Variants in ALDH1L2 observed in about 807,000 individuals in gnomAD.
The protein encoded by ALDH1L2 is mitochondrial 10-formyltetrahydrofolate dehydrogenase.
Under a neutral mutation model 111.0 loss-of-function variants are expected in ALDH1L2, and 91 were observed. That is an observed-to-expected ratio of 0.82 (90% CI 0.69 to 0.98). ALDH1L2 has a LOEUF of 0.98. Ranked by LOEUF, ALDH1L2 falls within the 50% of genes least tolerant of loss-of-function variation. The pLI is 0.00. For synonymous variants in ALDH1L2, 374 were observed against 392.6 expected (o/e 0.95, Z 0.56); for missense variants, 995 against 1,126.8 (o/e 0.88, Z 1.67).
chr12:105,043,778 A>C (rs2136065131), intron 15 of ALDH1L2, among the ~76,000 whole-genome samples: 1 of 152,352 alleles, frequency 6.6e-6, no homozygotes, highest in African/African-American at 2.4e-5. Flanking sequence ...ATAGGTTTGC[A>C]TAATACATGG....
In ALDH1L2 at chr12:105,070,665, G is replaced by T. The variant is rs752162565; in HGVS notation, c.333C>A (p.Phe111Leu). The T allele has an allele frequency of 6.2e-7, 1 of 1,614,138 alleles. No homozygotes were observed. Among genetic ancestry groups the T allele is most frequent in the Admixed American group, 1.7e-5 (1 of 60,024 alleles). The change falls in exon 3 of 23, where the codon TTC (phenylalanine) becomes TTA (leucine). Residue 111 changes from phenylalanine (F) to leucine (L), a missense_variant. Transcript: ENST00000258494. ...GACTATCAATTATATCCATGGGAAT[G>T]AACTGAGTGCAGAAAGGGAGCACAT... ...ELNVLPFCTQ[F>L]IPMDIIDSPK...
chr12:105,075,936 C>T (rs1878032080), intron 1 of ALDH1L2, among the ~76,000 whole-genome samples: 1 of 152,146 alleles, frequency 6.6e-6, no homozygotes, highest in South Asian at 2.1e-4. Context: ...CAGGCACACA[C>T]CACCATGCCC....
chr12:105,084,278 AAGTCT>A, intron 1 of ALDH1L2, 106 bp downstream of exon 1: 1 of 1,224,934 alleles, frequency 8.2e-7, no homozygotes, highest in Non-Finnish European at 1.1e-6. Context: ...GTGTTTAGCA[AAGTCT>A]AAGCATCGCT....
intron 16 of ALDH1L2, among the ~76,000 whole-genome samples, chr12:105,040,403 CT>C (rs1348787226): frequency 6.6e-6 from 1 of 152,112 alleles, no homozygotes; most frequent in Non-Finnish European, 1.5e-5. Flanking sequence ...TACAACCCCC[CT>C]CCCCACTGCC....
chr12:105,046,222 T>TATATA (rs1565957152), intron 15 of ALDH1L2, among the ~76,000 whole-genome samples: 14 of 26,760 alleles, frequency 5.2e-4, no homozygotes, highest in African/African-American at 1.5e-3. Flanking sequence ...TATATATATA[T>TATATA]TTTTTTTTTT....
intron 5 of ALDH1L2, 146 bp from the exon 6 acceptor site, chr12:105,065,502 T>G: frequency 5.0e-6 from 3 of 602,428 alleles, no homozygotes; most frequent in Non-Finnish European, 8.7e-6. Context: ...GAGTAAGTAT[T>G]TTGTCAGGTG....
rs1044847858 is a variant in ALDH1L2 at position 105,024,335 on chromosome 12, ACCT to A, written c.*86_*88del. 7 of 1,507,764 alleles carry A rather than the reference ACCT, an allele frequency of 4.6e-6. No homozygotes were observed. The African/African-American group carries it at 9.7e-5, about 21-fold the overall frequency. 93.4% of individuals were successfully genotyped at this position (1,507,764 alleles called of 1,614,324 possible). ...GTGTATTTTTTGGTTTGTGGCTGAC[ACCT>A]CCTGCCTCAACACACCCAATCTTCT... is the stretch of plus-strand genomic sequence containing the variant. On this transcript the variant is annotated 3_prime_UTR_variant, in exon 23 of 23. Transcript: ENST00000258494.
chr12:105,049,893 AAT>A lies in ALDH1L2; in HGVS notation c.1686+13_1686+14del, dbSNP rs1375837766. On this transcript the variant is annotated intron_variant, in intron 13 of 22. Transcript: ENST00000258494. ...AGTCCCTTTTTCTTTCAGAACAAATAATATTTGTGCTTACCTGAATTTTGTCG... is the reference window on the plus strand; with the variant it reads ...AGTCCCTTTTTCTTTCAGAACAAATAATTTGTGCTTACCTGAATTTTGTCG... The A allele has an allele frequency of 1.9e-6, 3 of 1,604,096 alleles. No homozygotes were observed. The African/African-American group carries it at 4.0e-5, about 22-fold the overall frequency.
intron 1 of ALDH1L2, among the ~76,000 whole-genome samples, chr12:105,082,827 ATC>A (rs1878392917): frequency 2.0e-5 from 3 of 152,200 alleles, no homozygotes; most frequent in Non-Finnish European, 4.4e-5. Flanking sequence ...CCAGCCATGT[ATC>A]TGTTTGATTT....
At chr12:105,058,343 T>C (rs1876769866) in intron 9 of ALDH1L2, 123 bp from the exon 10 acceptor site, 1 of 939,686 alleles carries the variant, frequency 1.1e-6, no homozygotes, top group South Asian at 2.5e-5. Flanking sequence ...TTATATCCTA[T>C]GAGATCTTCT....
Position 105,059,836 on chromosome 12 carries a change from T to G in ALDH1L2, c.1139+1145A>C, listed in dbSNP as rs572010562. Among the ~76,000 whole-genome samples, 5 of 152,342 alleles carry G rather than the reference T, an allele frequency of 3.3e-5. No homozygotes were observed. The East Asian group carries it at 9.6e-4, about 29-fold the overall frequency. ...GATTTTATCAAGAGGAGGAACATTT[T>G]TGCCTTGTTTAATTAGTGTATGGCC... On this transcript the variant is annotated intron_variant, in intron 9 of 22. Coordinates refer to ENST00000258494, the MANE Select transcript of ALDH1L2 (RefSeq NM_001034173.4).
Position 105,038,094 on chromosome 12 carries a change from C to T in ALDH1L2, c.2145+9G>A. On this transcript the variant is annotated intron_variant, in intron 18 of 22. Transcript: ENST00000258494. ...GGCACCTATTTACTTAAATTTGACC[C>T]TCTCTTACCATTCGCACAGCCTTGT... 1 of 1,610,928 alleles carries T rather than the reference C, an allele frequency of 6.2e-7. No homozygotes were observed. Among genetic ancestry groups the T allele is most frequent in the Non-Finnish European group, 8.5e-7 (1 of 1,177,548 alleles).
intron 21 of ALDH1L2, 71 bp downstream of exon 21, chr12:105,030,253 A>T (rs1874627470): frequency 8.7e-7 from 1 of 1,152,836 alleles, no homozygotes; most frequent in South Asian, 1.4e-5. Context: ...CTGTGTATAT[A>T]GCACAGTGGC....
At position 105,041,146 on chromosome 12, in the gene ALDH1L2, C is replaced by G. The variant is rs1290395241; in HGVS notation, c.1864-452G>C. Among the ~76,000 whole-genome samples, 4 of 152,318 alleles carry G rather than the reference C, an allele frequency of 2.6e-5. No homozygotes were observed. The East Asian group carries it at 7.7e-4, about 29-fold the overall frequency. On this transcript the variant is annotated intron_variant, in intron 15 of 22. Transcript: ENST00000258494. ...GAATACATGATTTGCAGACCATATT[C>G]AGATTTCACCAATTATCCCAATAAT...
At chr12:105,046,162 TC>T (rs1875837457) in intron 15 of ALDH1L2, among the ~76,000 whole-genome samples, 1 of 24,228 alleles carries the variant, frequency 4.1e-5, no homozygotes, top group African/African-American at 2.3e-4. Flanking sequence ...TCTCTCTCTC[TC>T]TCTCTCTCTC....
chr12:105,060,995 T>C lies in ALDH1L2; in HGVS notation c.1125A>G (p.Ser375=). ...STDFFKSGAS[S]MDVARLVEEI... ...CGTGGTTTTACCTGGCAACATCCAT[T>C]GAGCTTGCTCCAGATTTAAAGAAGT... Residue 375 remains serine (S), a synonymous_variant, in exon 9 of 23, where the codon TCA becomes TCG. Coordinates refer to ENST00000258494, the MANE Select transcript of ALDH1L2 (RefSeq NM_001034173.4). 6.2e-7 allele frequency: 1 copy of C among 1,613,878 alleles called. No homozygotes were observed. Among genetic ancestry groups the C allele is most frequent in the Non-Finnish European group, 8.5e-7 (1 of 1,179,770 alleles).
intron 10 of ALDH1L2, among the ~76,000 whole-genome samples, chr12:105,056,539 C>G (rs1036459107): frequency 1.3e-5 from 2 of 151,694 alleles, no homozygotes; most frequent in African/African-American, 4.8e-5. Context: ...TTAACTCTAT[C>G]TCATTAAAAA....
chr12:105,020,556 C>G lies in ALDH1L2; in HGVS notation c.*3868G>C, dbSNP rs11835812. Reference sequence around the variant, plus strand: ...AGTACCTGTTCATGAAACTTACATTCTAATGGGAAAAGATCATTGATTAAT... The same window carrying G: ...AGTACCTGTTCATGAAACTTACATTGTAATGGGAAAAGATCATTGATTAAT... On this transcript the variant is annotated 3_prime_UTR_variant, in exon 23 of 23. Transcript: ENST00000258494. The G allele has an allele frequency of 6.6e-6, 1 of 152,126 alleles. No homozygotes were observed. The highest frequency in any genetic ancestry group is 6.5e-5 in the Admixed American group (1 of 15,280). The allele number at this position is 152,126 out of a possible 1,614,324, so 9.4% of individuals were successfully genotyped here. A position where few individuals can be genotyped will look rare whatever the true frequency, so the allele number is the denominator to read the frequency against.
chr12:105,039,627 T>C, intron 17 of ALDH1L2, 86 bp downstream of exon 17: 1 of 1,029,042 alleles, frequency 9.7e-7, no homozygotes, highest in South Asian at 1.3e-5. Flanking sequence ...ATGTAGTTTT[T>C]CTCACTCAAA....
Sources: allele counts gnomAD v4.1 joint callset (sites outside exome capture counted in the v4.1 genomes callset), GRCh38; gene constraint gnomAD v4.1.1; transcripts MANE v1.5; gene names NCBI Gene and HGNC (gene_info 2026-07-23, HGNC 2026-07-21).